CSMD1: variants seen among roughly 807,000 people sequenced by gnomAD.
CSMD1 encodes CUB and sushi domain-containing protein 1.
Under a neutral mutation model 417.5 loss-of-function variants are expected in CSMD1, and 213 were observed. The observed-to-expected ratio is 0.51, with a 90% CI of 0.46 to 0.57. The LOEUF (loss-of-function observed/expected upper bound fraction) is 0.57. CSMD1 is among the 20% of genes least tolerant of loss of function. The pLI, the probability that CSMD1 is intolerant of heterozygous loss-of-function variation, is 0.00. For missense variants in CSMD1, 6,923 were observed against 4,529.7 expected, an observed-to-expected ratio of 1.53 and a Z score of -15.17; for synonymous variants, 2,862 against 1,736.8, an observed-to-expected ratio of 1.65 and a Z score of -16.11.
At chr8:4,968,958 T>C (rs552502393) in intron 1 of CSMD1, among the ~76,000 whole-genome samples, 1 of 152,170 alleles carries the variant, frequency 6.6e-6, no homozygotes, top group South Asian at 2.1e-4. Flanking sequence ...ACTCCATGAA[T>C]GTTCAAGCCC....
chr8:4,876,862 G>A (rs1007005730), intron 1 of CSMD1, among the ~76,000 whole-genome samples: 6 of 151,976 alleles, frequency 3.9e-5, no homozygotes, highest in African/African-American at 7.3e-5. Flanking sequence ...TCACAACATT[G>A]TAGGTAAGAA....
chr8:4,855,633 C>A (rs1331871417), intron 1 of CSMD1, among the ~76,000 whole-genome samples: 1 of 151,992 alleles, frequency 6.6e-6, no homozygotes. Flanking sequence ...GCCTCTGGAG[C>A]CAATGCAATC....
At chr8:3,133,390 C>G (rs1817900739) in intron 41 of CSMD1, among the ~76,000 whole-genome samples, 1 of 152,238 alleles carries the variant, frequency 6.6e-6, no homozygotes, top group African/African-American at 2.4e-5. Flanking sequence ...CGTCCTCAGT[C>G]TCTCCTGAAA....
intron 1 of CSMD1, among the ~76,000 whole-genome samples, chr8:4,797,276 A>G (rs1416112870): frequency 6.6e-6 from 1 of 152,182 alleles, no homozygotes; most frequent in African/African-American, 2.4e-5. Flanking sequence ...ACTGTTTTGA[A>G]AACTATGTTT....
At chr8:3,308,079 A>C (rs982875593) in intron 24 of CSMD1, among the ~76,000 whole-genome samples, 12 of 151,936 alleles carry the variant, frequency 7.9e-5, no homozygotes, top group Admixed American at 1.3e-4. Flanking sequence ...ATATGTGATA[A>C]TTCTAATAAT....
intron 10 of CSMD1, among the ~76,000 whole-genome samples, chr8:3,543,387 C>T (rs1037449418): frequency 1.4e-4 from 21 of 152,238 alleles, no homozygotes; most frequent in African/African-American, 3.4e-4. Context: ...AATAATCACT[C>T]GTTTCTGTGT....
At chr8:3,399,724 C>T (rs1811923204) in intron 15 of CSMD1, among the ~76,000 whole-genome samples, 195 bp from the exon 16 acceptor site, 1 of 152,170 alleles carries the variant, frequency 6.6e-6, no homozygotes, top group Non-Finnish European at 1.5e-5. Flanking sequence ...CATGTACTTA[C>T]CATTACCTTG....
chr8:3,600,551 G>T (rs536241344), intron 8 of CSMD1, among the ~76,000 whole-genome samples: 1 of 152,162 alleles, frequency 6.6e-6, no homozygotes, highest in Non-Finnish European at 1.5e-5. Context: ...TGGGGATAGG[G>T]TGCTCCCATT....
rs144533284 is a variant in CSMD1, at chr8:4,340,680, G to T, written c.415+79273C>A. Among the ~76,000 whole-genome samples the T allele has an allele frequency of 3.5e-3, 540 of 152,116 alleles. 3 individuals are homozygous for T. Among genetic ancestry groups the T allele is most frequent in the African/African-American group, 0.013 (520 of 41,502 alleles). On this transcript the variant is annotated intron_variant, in intron 3 of 69. Coordinates refer to ENST00000635120, the MANE Select transcript of CSMD1 (RefSeq NM_033225.6). ...ATTATATTAACCTAGAGAGTAGGCT[G>T]GAGTTTATTAGAAGTACATTTTAAA...
At chr8:3,998,310 T>C (rs1191527946) in intron 4 of CSMD1, among the ~76,000 whole-genome samples, 200 bp from the exon 5 acceptor site, 1 of 152,186 alleles carries the variant, frequency 6.6e-6, no homozygotes, top group African/African-American at 2.4e-5. Context: ...TAAATTATCT[T>C]ATTAATTGAA....
intron 26 of CSMD1, among the ~76,000 whole-genome samples, chr8:3,273,724 G>A (rs75795026): frequency 0.27 from 41,546 of 151,676 alleles, 5,904 homozygotes; most frequent in African/African-American, 0.34. Context: ...TTGCATAGAG[G>A]TGTTTGTAGT....
intron 5 of CSMD1, among the ~76,000 whole-genome samples, chr8:3,850,063 TG>T (rs1803791509): frequency 1.3e-5 from 2 of 152,188 alleles, no homozygotes; most frequent in South Asian, 4.1e-4. Flanking sequence ...CTCAAAGTGT[TG>T]GGATTACAGG....
At chr8:3,834,486 G>C (rs549946436) in intron 5 of CSMD1, among the ~76,000 whole-genome samples, 1 of 152,186 alleles carries the variant, frequency 6.6e-6, no homozygotes, top group African/African-American at 2.4e-5. Context: ...TTCCAGGTCA[G>C]TACCTCGGTA....
intron 5 of CSMD1, among the ~76,000 whole-genome samples, chr8:3,852,014 T>C (rs1803944962): frequency 1.3e-5 from 2 of 152,066 alleles, no homozygotes; most frequent in South Asian, 2.1e-4. Context: ...CAATCACCGG[T>C]GAGGACAAGT....
At position 4,304,542 on chromosome 8, in the gene CSMD1, C is replaced by G. The variant is rs974906622; in HGVS notation, c.415+115411G>C. 6.6e-5 allele frequency among the ~76,000 whole-genome samples: 10 copies of G among 152,158 alleles called. No homozygotes were observed. In the South Asian group the frequency reaches 2.1e-3, roughly 32 times the overall value. On this transcript the variant is annotated intron_variant, in intron 3 of 69. Transcript: ENST00000635120. ...GTCAGGACTGGGCCACCTGCTAGCTCATCGTGATAATCAATTGGGATGTGT... is the reference window on the plus strand; with the variant it reads ...GTCAGGACTGGGCCACCTGCTAGCTGATCGTGATAATCAATTGGGATGTGT...
At chr8:3,558,592 A>ATGG (rs1563152928) in intron 10 of CSMD1, among the ~76,000 whole-genome samples, 2 of 118,554 alleles carry the variant, frequency 1.7e-5, no homozygotes. Context: ...TGGTGTCTCA[A>ATGG]TAGTACCCCG....
intron 3 of CSMD1, among the ~76,000 whole-genome samples, chr8:4,312,326 T>A (rs545965041): frequency 6.6e-6 from 1 of 150,798 alleles, no homozygotes; most frequent in African/African-American, 2.4e-5. Context: ...TACCTACTTT[T>A]TTAAAAGCAA....
intron 1 of CSMD1, among the ~76,000 whole-genome samples, chr8:4,987,706 C>T (rs1291724017): frequency 2.6e-5 from 4 of 152,114 alleles, no homozygotes; most frequent in African/African-American, 7.2e-5. Context: ...AAAAGATTAA[C>T]ATTTGAGTCA....
At chr8:4,398,181 C>G (rs997631303) in intron 3 of CSMD1, among the ~76,000 whole-genome samples, 2 of 152,096 alleles carry the variant, frequency 1.3e-5, no homozygotes, top group East Asian at 1.9e-4. Flanking sequence ...GACAACAGAA[C>G]TCCAAGTAGC....
Sources: gnomAD v4.1 joint callset for allele counts (sites outside exome capture counted in the v4.1 genomes callset) on GRCh38, gnomAD v4.1.1 for gene constraint, MANE v1.5 for transcripts, NCBI Gene and HGNC (gene_info 2026-07-23, HGNC 2026-07-21) for gene names.